Variants in SLC35F6 observed in about 807,000 individuals in gnomAD.
The protein encoded by SLC35F6 is solute carrier family 35 member F6.
In SLC35F6, 26 loss-of-function variants were observed where a neutral mutation model predicts 29.4. That is an observed-to-expected ratio of 0.89 (90% CI 0.65 to 1.23). SLC35F6 has a LOEUF of 1.23. Among genes scored for constraint, SLC35F6 ranks in the 50% most tolerant of loss-of-function variants. The pLI is 0.00. For missense variants in SLC35F6, 428 were observed against 487.8 expected (o/e 0.88, Z 1.15); for synonymous variants, 174 against 206.6 (o/e 0.84, Z 1.35).
chr2:26,777,979 C>T (rs1472167866), intron 5 of SLC35F6, 63 bp from the exon 6 acceptor site: 17 of 1,495,868 alleles, frequency 1.1e-5, no homozygotes, highest in African/African-American at 2.8e-5. Context: ...GAGGCTAAGC[C>T]GGTGGGCTGT....
intron 1 of SLC35F6, among the ~76,000 whole-genome samples, chr2:26,768,617 A>G (rs527837020): frequency 1.3e-5 from 2 of 150,564 alleles, no homozygotes; most frequent in African/African-American, 4.9e-5. Flanking sequence ...TCGGCCTCCC[A>G]AAGTGCTGGG....
intron 1 of SLC35F6, among the ~76,000 whole-genome samples, chr2:26,773,059 C>G (rs1282628345): frequency 6.6e-6 from 1 of 152,148 alleles, no homozygotes; most frequent in Non-Finnish European, 1.5e-5. Context: ...TGAAGGTGAG[C>G]AGGTGGTCTG....
intron 1 of SLC35F6, among the ~76,000 whole-genome samples, chr2:26,765,597 G>A (rs184459894): frequency 1.3e-5 from 2 of 152,354 alleles, no homozygotes; most frequent in East Asian, 1.9e-4. Flanking sequence ...CCTTTGAGAT[G>A]CTTGGAATCT....
chr2:26,769,283 A>G (rs1572631322), intron 1 of SLC35F6, among the ~76,000 whole-genome samples: 1 of 152,338 alleles, frequency 6.6e-6, no homozygotes, highest in East Asian at 1.9e-4. Flanking sequence ...CTCACCACCC[A>G]GCACGGAGAG....
chr2:26,776,620 G>T (rs991388944), intron 5 of SLC35F6, 138 bp downstream of exon 5: 2 of 697,320 alleles, frequency 2.9e-6, no homozygotes, highest in Admixed American at 4.9e-5. Flanking sequence ...GTTTTGACAA[G>T]TCTTCTGACA....
chr2:26,767,900 A>T (rs537481726), intron 1 of SLC35F6, among the ~76,000 whole-genome samples: 1 of 152,318 alleles, frequency 6.6e-6, no homozygotes, highest in East Asian at 1.9e-4. Context: ...GATGCTCACT[A>T]AGTAAGGCTC....
rs1452069425 is a variant in SLC35F6 at position 26,780,366 on chromosome 2, G to C, written c.*1855G>C. 4 of 152,158 alleles carry C rather than the reference G, an allele frequency of 2.6e-5. No individual in the cohort carries two copies. Among genetic ancestry groups the C allele is most frequent in the Non-Finnish European group, 5.9e-5 (4 of 68,064 alleles). The allele number at this position is 152,158 out of a possible 1,614,324, so 9.4% of individuals were successfully genotyped here. A position where few individuals can be genotyped will look rare whatever the true frequency, so the allele number is the denominator to read the frequency against. On this transcript the variant is annotated 3_prime_UTR_variant, in exon 6 of 6. Coordinates refer to ENST00000344420, the MANE Select transcript of SLC35F6 (RefSeq NM_017877.4). ...GCCACATGATTCTGCAGCAGACAGG[G>C]ACCTAGAGCACATCTGGATCTCAGC...
intron 1 of SLC35F6, among the ~76,000 whole-genome samples, chr2:26,770,072 C>T (rs769194761): frequency 1.8e-4 from 28 of 152,116 alleles, no homozygotes; most frequent in Non-Finnish European, 2.8e-4. Flanking sequence ...TAAGGCTTAA[C>T]GGGACAGTCC....
At position 26,775,068 on chromosome 2, in the gene SLC35F6, T is replaced by G. The variant is rs1478457480; in HGVS notation, c.175T>G (p.Phe59Val). 20 of 1,613,860 alleles carry G rather than the reference T, an allele frequency of 1.2e-5. 1 individual carries two copies. The Admixed American group carries it at 3.0e-4, about 24-fold the overall frequency. Residue 59 changes from phenylalanine to valine, a missense_variant, in exon 3 of 6, where the codon TTC becomes GTC. Physicochemically the swap from Phe to Val is conservative, Grantham distance 50. Coordinates refer to ENST00000344420, the MANE Select transcript of SLC35F6 (RefSeq NM_017877.4). This position sits in a 1 kb window ranked among gnomAD's most constrained non-coding sequence, Gnocchi z 4.6. ...LQAVGMFLGEFSCLAAFYLLR... is the reference protein window; with the variant it reads ...LQAVGMFLGEVSCLAAFYLLR... ...GGCAGTGGGCATGTTCCTGGGAGAA[T>G]TCTCCTGCCTGGCTGCCTTCTACCT...
Position 26,776,631 on chromosome 2 carries a change from C to T in SLC35F6, c.646+149C>T. 1.7e-5 allele frequency: 11 copies of T among 661,260 alleles called. No homozygotes were observed. The South Asian group carries it at 2.1e-4, about 12-fold the overall frequency. The allele number at this position is 661,260 out of a possible 1,614,324, so 41.0% of individuals were successfully genotyped here. On this transcript the variant is annotated intron_variant, in intron 5 of 5. Transcript: ENST00000344420. Reference sequence around the variant, plus strand: ...ATGTGTTTTGACAAGTCTTCTGACACCTGCTGTGTCAGGAACTAGAGGAGA... The same window carrying T: ...ATGTGTTTTGACAAGTCTTCTGACATCTGCTGTGTCAGGAACTAGAGGAGA...
Position 26,778,051 on chromosome 2 carries a change from G to A in SLC35F6, c.656G>A (p.Gly219Asp), listed in dbSNP as rs765125230. Reference sequence around the variant, plus strand: ...TTCCTCTACTCCCCAGGCCTCTTTGGCTTTGTGATCCTCTCCCTGCTGCTG... The same window carrying A: ...TTCCTCTACTCCCCAGGCCTCTTTGACTTTGTGATCCTCTCCCTGCTGCTG... Reference protein sequence around the residue: ...LRAVGTEGLFGFVILSLLLVP... With the variant: ...LRAVGTEGLFDFVILSLLLVP... Residue 219 changes from glycine (G) to aspartate (D), a missense_variant, in exon 6 of 6, where the codon GGC becomes GAC. Coordinates refer to ENST00000344420, the MANE Select transcript of SLC35F6 (RefSeq NM_017877.4). 2 of 1,610,784 alleles carry A rather than the reference G, an allele frequency of 1.2e-6. No homozygotes were observed. Among genetic ancestry groups the A allele is most frequent in the Non-Finnish European group, 1.7e-6 (2 of 1,177,472 alleles).
chr2:26,766,183 A>G (rs760617438), intron 1 of SLC35F6, among the ~76,000 whole-genome samples: 6 of 152,166 alleles, frequency 3.9e-5, no homozygotes, highest in African/African-American at 1.4e-4. Flanking sequence ...CCACCCCAAG[A>G]TGGGCCCCCA....
In SLC35F6 at chr2:26,775,135, A is replaced by AC; in HGVS notation, c.247dup (p.Gln83ProfsTer16). ...GCAGGGCAATCAGACTCCAGCGTAG[A>AC]CCCCCAGCAGCCCTTCAACCCTCTT... is the stretch of plus-strand genomic sequence containing the variant. On this transcript the variant is annotated frameshift_variant, in exon 3 of 6. Transcript: ENST00000344420. LOFTEE classifies it high-confidence loss of function. The surrounding 1 kb of genome is among the most constrained non-coding windows in gnomAD (Gnocchi z 4.6). The AC allele has an allele frequency of 6.2e-7, 1 of 1,613,718 alleles. No individual in the cohort carries two copies. The highest frequency in any genetic ancestry group is 2.2e-5 in the East Asian group (1 of 44,848).
intron 1 of SLC35F6, among the ~76,000 whole-genome samples, chr2:26,771,003 T>A (rs1262799511): frequency 6.6e-6 from 1 of 152,216 alleles, no homozygotes; most frequent in Non-Finnish European, 1.5e-5. Context: ...ACCCAATCCC[T>A]TGGGCTGTCA....
At chr2:26,767,498 C>T (rs73923333) in intron 1 of SLC35F6, among the ~76,000 whole-genome samples, 4,388 of 152,320 alleles carry the variant, frequency 0.029, 219 homozygotes, top group African/African-American at 0.1. Context: ...GGTCAGCTTT[C>T]CTCTCTGCGG....
In SLC35F6 at chr2:26,764,339, C is replaced by T; in HGVS notation, c.-11C>T. On this transcript the variant is annotated 5_prime_UTR_variant, in exon 1 of 6. Coordinates refer to ENST00000344420, the MANE Select transcript of SLC35F6 (RefSeq NM_017877.4). The stretch of plus-strand genomic sequence containing the variant: ...CGCCGCTAACTGGAGCGAACCCCAG[C>T]GTCCGCCGACATGGCCTGGACCAAG... The T allele has an allele frequency of 6.5e-7, 1 of 1,549,674 alleles. No homozygotes were observed. Among genetic ancestry groups the T allele is most frequent in the East Asian group, 2.5e-5 (1 of 40,718 alleles).
In SLC35F6 at chr2:26,764,286, G is replaced by A. The variant is rs1225815988; in HGVS notation, c.-64G>A. On this transcript the variant is annotated 5_prime_UTR_variant, in exon 1 of 6. Coordinates refer to ENST00000344420, the MANE Select transcript of SLC35F6 (RefSeq NM_017877.4). ...TGACGCCCGGCCCGGAAGCGCTCGC[G>A]CAGGAGACCCCGGGTGACGGGGCCC... 3.8e-5 allele frequency: 58 copies of A among 1,534,734 alleles called. No homozygotes were observed. Among genetic ancestry groups the A allele is most frequent in the Non-Finnish European group, 5.1e-5 (58 of 1,137,426 alleles).
In SLC35F6 at chr2:26,770,479, A is replaced by C. The variant is rs1475857906; in HGVS notation, c.78-3772A>C. On this transcript the variant is annotated intron_variant, in intron 1 of 5. Coordinates refer to ENST00000344420, the MANE Select transcript of SLC35F6 (RefSeq NM_017877.4). The stretch of plus-strand genomic sequence containing the variant: ...ATACCTGTAATCCGATCACTTTGGG[A>C]GATTGATACGGGTGGATCACTTGAG... 2.0e-5 allele frequency among the ~76,000 whole-genome samples: 3 copies of C among 152,178 alleles called. No homozygotes were observed. In the East Asian group the frequency reaches 5.8e-4, roughly 29 times the overall value.
chr2:26,764,704 C>A, intron 1 of SLC35F6: 1 of 795,370 alleles, frequency 1.3e-6, no homozygotes, highest in African/African-American at 1.9e-5. Flanking sequence ...GATTCCTTTC[C>A]ACGGCCCTTC....
Sources: allele counts gnomAD v4.1 joint callset (sites outside exome capture counted in the v4.1 genomes callset), GRCh38; gene constraint gnomAD v4.1.1; non-coding constraint Gnocchi (gnomAD v3.1); transcripts MANE v1.5; gene names NCBI Gene and HGNC (gene_info 2026-07-23, HGNC 2026-07-21).